IGF1R: variants seen among roughly 807,000 people sequenced by gnomAD.
The protein encoded by IGF1R is insulin like growth factor 1 receptor, also known as insulin-like growth factor 1 receptor.
Under a neutral mutation model 144.6 loss-of-function variants are expected in IGF1R, and 44 were observed. The ratio of observed to expected loss-of-function variants is 0.30; its 90% CI spans 0.24 to 0.39. The LOEUF is 0.39. IGF1R is among the 10% of genes least tolerant of loss of function. The pLI is 1.00. For missense variants in IGF1R, 1,355 were observed against 1,833.7 expected, an observed-to-expected ratio of 0.74 and a Z score of 4.77; for synonymous variants, 795 against 722.8, an observed-to-expected ratio of 1.10 and a Z score of -1.60.
At position 98,908,840 on chromosome 15, in the gene IGF1R, C is replaced by G. The variant is rs2014856070; in HGVS notation, c.1403C>G (p.Thr468Ser). The G allele has an allele frequency of 1.2e-6, 2 of 1,613,968 alleles. No homozygotes were observed. Among genetic ancestry groups the G allele is most frequent in the Non-Finnish European group, 1.7e-6 (2 of 1,180,018 alleles). ...EIYRMEEVTG[T>S]KGRQSKGDIN... ...TACCGCATGGAGGAAGTGACGGGGA[C>G]TAAAGGGCGCCAAAGCAAAGGGGAC... Residue 468 changes from threonine to serine, a missense_variant, in exon 6 of 21, where the codon ACT (threonine) becomes AGT (serine). Thr to Ser is a moderately conservative substitution (Grantham distance 58). This residue lies in a region of IGF1R where 880 missense variants were observed against 1,202.7 expected (regional missense o/e 0.73). Coordinates refer to ENST00000650285, the MANE Select transcript of IGF1R (RefSeq NM_000875.5).
chr15:98,715,025 TGGTA>T (rs2054081132), intron 2 of IGF1R, among the ~76,000 whole-genome samples: 2 of 152,148 alleles, frequency 1.3e-5, no homozygotes, highest in African/African-American at 4.8e-5. Context: ...TTTGTGTTGT[TGGTA>T]GGAACTTGTC....
At chr15:98,926,106 G>A (rs932976799) in intron 13 of IGF1R, among the ~76,000 whole-genome samples, 2 of 152,040 alleles carry the variant, frequency 1.3e-5, no homozygotes, top group African/African-American at 4.8e-5. Flanking sequence ...AGAAAACCTG[G>A]TACATATACA....
intron 2 of IGF1R, among the ~76,000 whole-genome samples, chr15:98,878,719 A>C (rs1357596068): frequency 6.8e-6 from 1 of 147,168 alleles, no homozygotes; most frequent in African/African-American, 2.5e-5. Flanking sequence ...AAGGCCAGGC[A>C]CGGTGGCTCA....
chr15:98,792,766 T>C (rs2056155447), intron 2 of IGF1R, among the ~76,000 whole-genome samples: 1 of 152,200 alleles, frequency 6.6e-6, no homozygotes, highest in South Asian at 2.1e-4. Flanking sequence ...AAGTGAGCTT[T>C]TGTTTTTGGA....
chr15:98,762,667 G>T (rs1041073700), intron 2 of IGF1R, among the ~76,000 whole-genome samples: 8 of 152,054 alleles, frequency 5.3e-5, no homozygotes, highest in Non-Finnish European at 1.0e-4. Flanking sequence ...GGTGGAGGTT[G>T]CAGTGAACCG....
chr15:98,811,026 C>A (rs886160813), intron 2 of IGF1R, among the ~76,000 whole-genome samples: 2 of 151,804 alleles, frequency 1.3e-5, no homozygotes, highest in African/African-American at 4.8e-5. Flanking sequence ...TCTGGCTGGA[C>A]GCGGTGGCTC....
intron 2 of IGF1R, among the ~76,000 whole-genome samples, chr15:98,870,946 G>A (rs950759152): frequency 1.3e-5 from 2 of 152,240 alleles, no homozygotes; most frequent in African/African-American, 4.8e-5. Context: ...TTAGATAGTG[G>A]AGGTGCGGGA....
rs929223350 is a variant in IGF1R at position 98,960,927 on chromosome 15, C to T, written c.*3485C>T. On this transcript the variant is annotated 3_prime_UTR_variant, in exon 21 of 21. Coordinates refer to ENST00000650285, the MANE Select transcript of IGF1R (RefSeq NM_000875.5). The stretch of plus-strand genomic sequence containing the variant: ...CACGCCCCCCCCGCCAGGGCTGTAC[C>T]TCCGTCTCCCTGGTCCTGCTGCTCA... 8.6e-6 allele frequency: 2 copies of T among 233,914 alleles called. No homozygotes were observed. Among genetic ancestry groups the T allele is most frequent in the African/African-American group, 2.2e-5 (1 of 45,366 alleles). 14.5% of individuals were successfully genotyped at this position (233,914 alleles called of 1,614,324 possible).
At chr15:98,846,631 G>A (rs902025366) in intron 2 of IGF1R, among the ~76,000 whole-genome samples, 10 of 152,126 alleles carry the variant, frequency 6.6e-5, no homozygotes, top group African/African-American at 2.4e-4. Flanking sequence ...CTTCTCAGGG[G>A]TCCCTGTATA....
At chr15:98,661,415 A>G (rs2052595182) in intron 1 of IGF1R, among the ~76,000 whole-genome samples, 1 of 152,198 alleles carries the variant, frequency 6.6e-6, no homozygotes, top group African/African-American at 2.4e-5. Flanking sequence ...AATTATCCTT[A>G]AAGTCTCCTC....
chr15:98,852,847 C>T (rs1040035036), intron 2 of IGF1R, among the ~76,000 whole-genome samples: 7 of 152,350 alleles, frequency 4.6e-5, no homozygotes, highest in African/African-American at 1.4e-4. Context: ...CCTCCCTTCC[C>T]CCGGCATCCC....
intron 5 of IGF1R, 91 bp from the exon 6 acceptor site, chr15:98,908,594 G>A: frequency 1.2e-6 from 1 of 839,860 alleles, no homozygotes; most frequent in East Asian, 2.6e-5. Flanking sequence ...TGTGGAGCAG[G>A]TGGCAAAGAG....
chr15:98,895,222 CCACACACACACACACA>C (rs10704966), intron 3 of IGF1R, among the ~76,000 whole-genome samples: 100 of 143,404 alleles, frequency 7.0e-4, no homozygotes, highest in Middle Eastern at 3.4e-3. Context: ...TGACACAGCA[CCACACACACACACACA>C]CACACACACA....
chr15:98,661,601 C>T (rs1362478466), intron 1 of IGF1R, among the ~76,000 whole-genome samples: 2 of 152,174 alleles, frequency 1.3e-5, no homozygotes, highest in Non-Finnish European at 2.9e-5. Context: ...TTGCTCTGCT[C>T]TTCTCCGTGC....
At chr15:98,676,938 T>A (rs113136318) in intron 1 of IGF1R, among the ~76,000 whole-genome samples, 2,988 of 151,812 alleles carry the variant, frequency 0.02, 94 homozygotes, top group African/African-American at 0.069. Context: ...TTAAAAAAAA[T>A]TTTTTTTTCA....
chr15:98,814,904 T>C (rs2056663823), intron 2 of IGF1R, among the ~76,000 whole-genome samples: 1 of 152,176 alleles, frequency 6.6e-6, no homozygotes, highest in South Asian at 2.1e-4. Context: ...TGGGGGAAAA[T>C]CAAACTTACA....
In IGF1R at chr15:98,829,513, C is replaced by A. The variant is rs185701471; in HGVS notation, c.641-61812C>A. Reference sequence around the variant, plus strand: ...TTTGCAAGCCAAAAGAGTGGTGAACCACTTCAGAGTGCGGGTCTGTGGGGG... The same window carrying A: ...TTTGCAAGCCAAAAGAGTGGTGAACAACTTCAGAGTGCGGGTCTGTGGGGG... On this transcript the variant is annotated intron_variant, in intron 2 of 20. Coordinates refer to ENST00000650285, the MANE Select transcript of IGF1R (RefSeq NM_000875.5). 2.5e-3 allele frequency among the ~76,000 whole-genome samples: 378 copies of A among 152,276 alleles called. 1 individual carries two copies. Among genetic ancestry groups the A allele is most frequent in the African/African-American group, 8.9e-3 (370 of 41,554 alleles).
intron 17 of IGF1R, among the ~76,000 whole-genome samples, chr15:98,936,746 A>G (rs912562040): frequency 6.6e-6 from 1 of 152,036 alleles, no homozygotes; most frequent in Admixed American, 6.6e-5. Context: ...TTTGGGGCCA[A>G]GTGTGGACTG....
chr15:98,906,301 A>G (rs2014728539), intron 5 of IGF1R, among the ~76,000 whole-genome samples: 1 of 152,172 alleles, frequency 6.6e-6, no homozygotes, highest in African/African-American at 2.4e-5. Flanking sequence ...CTGGGTGTAG[A>G]TGGAAGTTTG....
Sources: allele counts gnomAD v4.1 joint callset (sites outside exome capture counted in the v4.1 genomes callset), GRCh38; gene constraint gnomAD v4.1.1; regional missense constraint gnomAD v4.1.1; transcripts MANE v1.5; gene names NCBI Gene and HGNC (gene_info 2026-07-23, HGNC 2026-07-21).